DNAI3: variants seen among roughly 807,000 people sequenced by gnomAD.
DNAI3 encodes WD repeat domain 63.
Under a neutral mutation model 115.5 loss-of-function variants are expected in DNAI3, and 83 were observed. The ratio of observed to expected loss-of-function variants is 0.72; its 90% CI spans 0.60 to 0.86. The LOEUF is 0.86. Ranked by LOEUF, DNAI3 falls within the 40% of genes least tolerant of loss-of-function variation. The pLI is 0.00. For missense variants in DNAI3, 1,004 were observed against 1,075.8 expected (o/e 0.93, Z 0.93); for synonymous variants, 320 against 347.0 (o/e 0.92, Z 0.86).
chr1:85,104,813 A>G (rs1343003179), intron 14 of DNAI3, among the ~76,000 whole-genome samples: 1 of 145,190 alleles, frequency 6.9e-6, no homozygotes, highest in Non-Finnish European at 1.5e-5. Flanking sequence ...TTTGTGGTTG[A>G]TAACGTTGTA....
intron 9 of DNAI3, 181 bp downstream of exon 9, chr1:85,093,829 G>T (rs772382140): frequency 2.7e-6 from 2 of 732,562 alleles, no homozygotes; most frequent in African/African-American, 1.7e-5. Flanking sequence ...CAACAACCCT[G>T]TAGGATACAC....
chr1:85,101,523 G>T (rs150033286), intron 13 of DNAI3, among the ~76,000 whole-genome samples: 7,825 of 152,074 alleles, frequency 0.051, 273 homozygotes, highest in East Asian at 0.14. Flanking sequence ...AGGAGATGGA[G>T]ACCATCCTGG....
chr1:85,121,196 T>A (rs1187383077), intron 17 of DNAI3, among the ~76,000 whole-genome samples: 1 of 152,188 alleles, frequency 6.6e-6, no homozygotes, highest in Non-Finnish European at 1.5e-5. Flanking sequence ...TCTTCTTACA[T>A]CAGGTCCATT....
rs759121043 is a variant in DNAI3, at chr1:85,117,769, A to C, written c.1827A>C (p.Glu609Asp). The change falls in exon 17 of 23, where the codon GAA becomes GAC. Residue 609 changes from glutamate to aspartate, a missense_variant. Coordinates refer to ENST00000294664, the MANE Select transcript of DNAI3 (RefSeq NM_145172.5). ...LAQSKTEKAE[E>D]MNPYHNLESG... ...AGAGCAAAACAGAGAAGGCAGAAGA[A>C]ATGAACCCGTATCATAATCTGGAAA... The C allele has an allele frequency of 1.9e-6, 3 of 1,613,798 alleles. No homozygotes were observed. The highest frequency in any genetic ancestry group is 2.5e-6 in the Non-Finnish European group (3 of 1,179,804).
Position 85,094,508 on chromosome 1 carries a change from C to T in DNAI3, c.1126C>T (p.Pro376Ser). 1.2e-6 allele frequency: 2 copies of T among 1,614,192 alleles called. No homozygotes were observed. Among genetic ancestry groups the T allele is most frequent in the Non-Finnish European group, 1.7e-6 (2 of 1,180,030 alleles). ...CTTTTCTGGTAAATTATTGCTGCAG[C>T]CATCACTGATTCTTTTCTGGAGCTT... Reference protein sequence around the residue: ...VHFSGKLLLQPSLILFWSFSD... With the variant: ...VHFSGKLLLQSSLILFWSFSD... The change falls in exon 10 of 23, where the codon CCA becomes TCA. Residue 376 changes from proline (P) to serine (S), a missense_variant. Pro to Ser is a moderately conservative substitution (Grantham distance 74, BLOSUM62 -1). This residue lies in a region of DNAI3 where 550 missense variants were observed against 568.1 expected (regional missense o/e 0.97). Coordinates refer to ENST00000294664, the MANE Select transcript of DNAI3 (RefSeq NM_145172.5).
intron 17 of DNAI3, among the ~76,000 whole-genome samples, chr1:85,118,815 C>A (rs1049378842): frequency 6.6e-6 from 1 of 152,006 alleles, no homozygotes; most frequent in African/African-American, 2.4e-5. Flanking sequence ...GGGAAGGTGA[C>A]CCACAGGCTG....
At chr1:85,124,591 C>G (rs556307831) in intron 19 of DNAI3, among the ~76,000 whole-genome samples, 4 of 152,186 alleles carry the variant, frequency 2.6e-5, no homozygotes, top group African/African-American at 9.6e-5. Flanking sequence ...AATGCAGTGG[C>G]GTGATCTCTG....
intron 16 of DNAI3, among the ~76,000 whole-genome samples, chr1:85,110,877 G>A (rs540078288): frequency 2.0e-5 from 3 of 151,756 alleles, no homozygotes; most frequent in Admixed American, 6.6e-5. Context: ...ATATTTATAT[G>A]GCACCAAGAT....
At position 85,072,751 on chromosome 1, in the gene DNAI3, G is replaced by C. The variant is rs372750302; in HGVS notation, c.65-303G>C. 1.5e-3 allele frequency among the ~76,000 whole-genome samples: 231 copies of C among 151,594 alleles called. 7 individuals are homozygous for C. The South Asian group carries it at 0.041, about 27-fold the overall frequency. ...TGGACGGATCACAAGGTCAGGAGAT[G>C]GAGACCATCCTGGTTGACACGGTGA... On this transcript the variant is annotated intron_variant, in intron 2 of 22. Transcript: ENST00000294664.
intron 4 of DNAI3, 150 bp downstream of exon 4, chr1:85,081,565 G>T: frequency 1.7e-6 from 1 of 593,842 alleles, no homozygotes; most frequent in Non-Finnish European, 2.7e-6. Flanking sequence ...AATCCTGTTT[G>T]ATGATCCTCT....
At chr1:85,121,040 G>T (rs1655980383) in intron 17 of DNAI3, among the ~76,000 whole-genome samples, 1 of 152,094 alleles carries the variant, frequency 6.6e-6, no homozygotes, top group Admixed American at 6.5e-5. Flanking sequence ...GATCGCATGG[G>T]GTGATCTAGA....
chr1:85,090,983 G>T (rs113681634), intron 8 of DNAI3, among the ~76,000 whole-genome samples: 86 of 152,210 alleles, frequency 5.7e-4, no homozygotes, highest in African/African-American at 1.9e-3. Context: ...AAATGTCGTT[G>T]GTTCTTTCAT....
chr1:85,095,736 G>A (rs866184328), intron 10 of DNAI3, among the ~76,000 whole-genome samples, 195 bp from the exon 11 acceptor site: 2 of 152,312 alleles, frequency 1.3e-5, no homozygotes, highest in South Asian at 4.1e-4. Flanking sequence ...ACTGTCACTC[G>A]TATGGCCAAT....
At chr1:85,080,421 A>G (rs1341213493) in intron 3 of DNAI3, among the ~76,000 whole-genome samples, 1 of 152,196 alleles carries the variant, frequency 6.6e-6, no homozygotes, top group African/African-American at 2.4e-5. Flanking sequence ...CTGAAAGGAA[A>G]GGAATAGTTG....
chr1:85,127,025 C>T (rs967702394), intron 20 of DNAI3, among the ~76,000 whole-genome samples: 3 of 152,172 alleles, frequency 2.0e-5, no homozygotes, highest in Admixed American at 1.3e-4. Context: ...TTGAACTGCA[C>T]GATGGGAACA....
At chr1:85,093,380 G>C in intron 8 of DNAI3, 78 bp from the exon 9 acceptor site, 1 of 1,276,502 alleles carries the variant, frequency 7.8e-7, no homozygotes, top group Non-Finnish European at 1.1e-6. Context: ...AATGAAGGAG[G>C]AGGAGTTGCT....
intron 18 of DNAI3, among the ~76,000 whole-genome samples, chr1:85,123,263 C>T (rs1328863397): frequency 1.3e-5 from 2 of 152,184 alleles, no homozygotes; most frequent in East Asian, 1.9e-4. Flanking sequence ...CCATTCTCCC[C>T]ACAACAGCCA....
At chr1:85,128,611 T>C in intron 20 of DNAI3, 97 bp from the exon 21 acceptor site, 1 of 948,478 alleles carries the variant, frequency 1.1e-6, no homozygotes, top group South Asian at 1.6e-5. Context: ...GCAGGTCCTT[T>C]GGGAGAACAC....
At position 85,081,348 on chromosome 1, in the gene DNAI3, A is replaced by G; in HGVS notation, c.218A>G (p.Asp73Gly). 3 of 1,604,700 alleles carry G rather than the reference A, an allele frequency of 1.9e-6. No homozygotes were observed. Among genetic ancestry groups the G allele is most frequent in the Non-Finnish European group, 2.5e-6 (3 of 1,177,284 alleles). Residue 73 changes from aspartate to glycine, a missense_variant, in exon 4 of 23, where the codon GAC becomes GGC. By Grantham distance (94) the Asp-to-Gly change is moderately conservative. Transcript: ENST00000294664. ...EQPYKLINKE[D>G]IFEDLRNRAA... The stretch of plus-strand genomic sequence containing the variant: ...CCTTATAAGCTTATCAATAAAGAAG[A>G]CATTTTTGAGGACCTGCGCAACAGA...
Sources: gnomAD v4.1 joint callset for allele counts (sites outside exome capture counted in the v4.1 genomes callset) on GRCh38, gnomAD v4.1.1 for gene constraint, gnomAD v4.1.1 regional missense constraint, MANE v1.5 for transcripts, NCBI Gene and HGNC (gene_info 2026-07-23, HGNC 2026-07-21) for gene names.